The following UBE4A variants were observed in gnomAD, a reference collection of about 807,000 sequenced individuals.
UBE4A encodes the protein ubiquitination factor E4A.
A neutral mutation model predicts 117.9 loss-of-function variants in UBE4A; 48 were observed. The ratio of observed to expected loss-of-function variants is 0.41; its 90% CI spans 0.32 to 0.52. The LOEUF (loss-of-function observed/expected upper bound fraction) is 0.52. UBE4A is among the 20% of genes least tolerant of loss of function. UBE4A has a pLI of 0.33. For synonymous variants in UBE4A, 407 were observed against 450.0 expected (o/e 0.90, Z 1.21); for missense variants, 1,067 against 1,296.3 (o/e 0.82, Z 2.72).
At chr11:118,375,368 C>CT (rs1390955548) in intron 9 of UBE4A, 139 bp downstream of exon 9, 667 of 900,144 alleles carry the variant, frequency 7.4e-4, no homozygotes, top group Admixed American at 1.2e-3. Flanking sequence ...ATTTTTTTTT[C>CT]TTTTTTTTTG....
At chr11:118,366,689 A>G (rs1037569987) in intron 2 of UBE4A, among the ~76,000 whole-genome samples, 2 of 152,232 alleles carry the variant, frequency 1.3e-5, no homozygotes, top group African/African-American at 4.8e-5. Context: ...GGACTTTCAG[A>G]CTAGCCATTC....
chr11:118,368,919 C>T (rs1948586398), intron 3 of UBE4A, 115 bp downstream of exon 3: 1 of 1,038,310 alleles, frequency 9.6e-7, no homozygotes, highest in Non-Finnish European at 1.4e-6. Context: ...TCACTGCACT[C>T]CCTGGAACTC....
intron 14 of UBE4A, 40 bp downstream of exon 14, chr11:118,384,775 C>T: frequency 4.3e-6 from 7 of 1,610,308 alleles, no homozygotes; most frequent in Non-Finnish European, 5.9e-6. Flanking sequence ...TTTATATAAG[C>T]CCTAATGAGT....
chr11:118,365,063 A>G lies in UBE4A; in HGVS notation c.-18A>G. The G allele has an allele frequency of 6.2e-7, 1 of 1,612,878 alleles. No homozygotes were observed. The highest frequency in any genetic ancestry group is 8.5e-7 in the Non-Finnish European group (1 of 1,179,522). Reference sequence around the variant, plus strand: ...AGCCTCTCCCACTAGGTCTGGATGGAGGATACCTTAAAGTGAAATGACAGA... The same window carrying G: ...AGCCTCTCCCACTAGGTCTGGATGGGGGATACCTTAAAGTGAAATGACAGA... On this transcript the variant is annotated 5_prime_UTR_variant, in exon 2 of 20. Coordinates refer to ENST00000252108, the MANE Select transcript of UBE4A (RefSeq NM_001204077.2).
At chr11:118,360,776 T>C (rs1227724050) in intron 1 of UBE4A, among the ~76,000 whole-genome samples, 2 of 152,168 alleles carry the variant, frequency 1.3e-5, no homozygotes, top group Non-Finnish European at 1.5e-5. Context: ...CAGAATTTTG[T>C]AGGACAGCTA....
chr11:118,369,645 T>TA, intron 4 of UBE4A, 110 bp downstream of exon 4: 3 of 587,820 alleles, frequency 5.1e-6, no homozygotes, highest in Non-Finnish European at 8.7e-6. Context: ...CATCCCTCTC[T>TA]CTTTTTTTTT....
intron 3 of UBE4A, among the ~76,000 whole-genome samples, chr11:118,369,095 G>C (rs1948587935): frequency 6.6e-6 from 1 of 152,138 alleles, no homozygotes; most frequent in Non-Finnish European, 1.5e-5. Context: ...CTTCTCAGAG[G>C]TAACCTAAAT....
chr11:118,396,253 T>G (rs1948871621), intron 19 of UBE4A, 61 bp from the exon 20 acceptor site: 2 of 1,558,106 alleles, frequency 1.3e-6, no homozygotes, highest in African/African-American at 1.4e-5. Flanking sequence ...TGTTCTGTTT[T>G]TGGCTTAGAA....
At chr11:118,390,479 TAAA>T (rs1218884651) in intron 17 of UBE4A, among the ~76,000 whole-genome samples, 175 bp from the exon 18 acceptor site, 4 of 145,528 alleles carry the variant, frequency 2.7e-5, no homozygotes, top group Non-Finnish European at 6.0e-5. Context: ...TTATAAATAA[TAAA>T]TAATAAAATA....
Position 118,359,609 on chromosome 11 carries a change from C to T in UBE4A, c.-107C>T, listed in dbSNP as rs1042671570. The T allele has an allele frequency of 2.0e-5, 3 of 152,236 alleles. No homozygotes were observed. Among genetic ancestry groups the T allele is most frequent in the Non-Finnish European group, 2.9e-5 (2 of 68,076 alleles). The allele number at this position is 152,236 out of a possible 1,614,324, so 9.4% of individuals were successfully genotyped here. ...GTAACTTCCGGTTGCTGTGCTGAGTCGGAAGTGGGAACCCTTCGGCCGCTG... is the reference window on the plus strand; with the variant it reads ...GTAACTTCCGGTTGCTGTGCTGAGTTGGAAGTGGGAACCCTTCGGCCGCTG... On this transcript the variant is annotated 5_prime_UTR_variant, in exon 1 of 20. Coordinates refer to ENST00000252108, the MANE Select transcript of UBE4A (RefSeq NM_001204077.2).
intron 8 of UBE4A, among the ~76,000 whole-genome samples, chr11:118,374,084 G>T (rs989870009): frequency 6.6e-6 from 1 of 151,914 alleles, no homozygotes; most frequent in East Asian, 1.9e-4. Flanking sequence ...ATCACGCTCC[G>T]GCCTGGATGA....
At chr11:118,393,071 A>G (rs892404631) in intron 19 of UBE4A, among the ~76,000 whole-genome samples, 176 bp downstream of exon 19, 1 of 152,180 alleles carries the variant, frequency 6.6e-6, no homozygotes, top group Admixed American at 6.5e-5. Context: ...TTTCAAAACA[A>G]AACATTCTGT....
At chr11:118,369,914 A>G (rs925244096) in intron 4 of UBE4A, among the ~76,000 whole-genome samples, 3 of 151,788 alleles carry the variant, frequency 2.0e-5, no homozygotes, top group African/African-American at 7.3e-5. Context: ...AACATGGTGA[A>G]ACGCCGTCTC....
intron 17 of UBE4A, among the ~76,000 whole-genome samples, 192 bp from the exon 18 acceptor site, chr11:118,390,456 TTATATTTTA>T (rs1948803362): frequency 3.4e-5 from 5 of 145,102 alleles, no homozygotes; most frequent in African/African-American, 1.3e-4. Flanking sequence ...AAAATATATA[TTATATTTTA>T]TTATTATAAA....
At chr11:118,363,263 C>G (rs182432513) in intron 1 of UBE4A, among the ~76,000 whole-genome samples, 1 of 152,088 alleles carries the variant, frequency 6.6e-6, no homozygotes, top group Non-Finnish European at 1.5e-5. Flanking sequence ...TACAGAAGGC[C>G]AGGCGCAGTG....
At chr11:118,390,234 A>G (rs1948799231) in intron 17 of UBE4A, among the ~76,000 whole-genome samples, 3 of 151,818 alleles carry the variant, frequency 2.0e-5, no homozygotes, top group African/African-American at 7.3e-5. Flanking sequence ...GATTTCCAGT[A>G]TTCTGCTTTG....
rs1948883627 is a variant in UBE4A at position 118,397,260 on chromosome 11, T to C, written c.*820T>C. On this transcript the variant is annotated 3_prime_UTR_variant, in exon 20 of 20. Transcript: ENST00000252108. ...TTTTAAGACACTAATATCAACAGTA[T>C]ATCTCAGTGTGTGAGATATATAAAT... is the stretch of plus-strand genomic sequence containing the variant. 6.6e-6 allele frequency: 1 copy of C among 152,212 alleles called. No individual in the cohort carries two copies. The highest frequency in any genetic ancestry group is 6.5e-5 in the Admixed American group (1 of 15,282). The allele number at this position is 152,212 out of a possible 1,614,324, so 9.4% of individuals were successfully genotyped here. A position where few individuals can be genotyped will look rare whatever the true frequency, so the allele number is the denominator to read the frequency against.
At chr11:118,374,487 G>A (rs761956807) in intron 8 of UBE4A, among the ~76,000 whole-genome samples, 7 of 152,200 alleles carry the variant, frequency 4.6e-5, no homozygotes, top group Admixed American at 1.3e-4. Context: ...GCCAAATCTG[G>A]CCTGCCACCT....
At chr11:118,381,349 T>C (rs1948703559) in intron 11 of UBE4A, 42 bp from the exon 12 acceptor site, 1 of 1,611,672 alleles carries the variant, frequency 6.2e-7, no homozygotes, top group Non-Finnish European at 8.5e-7. Flanking sequence ...AGTACAGATA[T>C]ACAGATGTTT....
Sources: allele counts gnomAD v4.1 joint callset (sites outside exome capture counted in the v4.1 genomes callset), GRCh38; gene constraint gnomAD v4.1.1; transcripts MANE v1.5; gene names NCBI Gene and HGNC (gene_info 2026-07-23, HGNC 2026-07-21).